The following AVEN variants were observed in gnomAD, a reference collection of about 807,000 sequenced individuals.
AVEN encodes the protein apoptosis and caspase activation inhibitor.
Under a neutral mutation model 38.1 loss-of-function variants are expected in AVEN, and 41 were observed. The observed-to-expected ratio is 1.08, with a 90% CI of 0.84 to 1.40. AVEN has a LOEUF of 1.40. Ranked by LOEUF, AVEN falls within the 40% of genes most tolerant of loss-of-function variation. The pLI is 0.00. For synonymous variants in AVEN, 206 were observed against 171.8 expected (o/e 1.20, Z -1.56); for missense variants, 605 against 438.8 (o/e 1.38, Z -3.38).
Position 33,868,428 on chromosome 15 carries a change from C to T in AVEN, c.613-573G>A, listed in dbSNP as rs183774036. ...CAGGAGTGGTGGAGAGTGTCTAGTC[C>T]CAGCTACTCGGGAGGCTGAGGCAGG... On this transcript the variant is annotated intron_variant, in intron 4 of 5. Coordinates refer to ENST00000306730, the MANE Select transcript of AVEN (RefSeq NM_020371.3). 2.4e-3 allele frequency among the ~76,000 whole-genome samples: 364 copies of T among 151,514 alleles called. 5 individuals carry two copies. Among genetic ancestry groups the T allele is most frequent in the African/African-American group, 8.2e-3 (338 of 41,326 alleles).
chr15:33,920,157 A>G (rs1597232042), intron 2 of AVEN, among the ~76,000 whole-genome samples: 1 of 152,210 alleles, frequency 6.6e-6, no homozygotes, highest in Non-Finnish European at 1.5e-5. Flanking sequence ...TCAACCATGC[A>G]ATGCAGATTT....
chr15:34,021,520 G>A lies in AVEN; in HGVS notation c.267+17260C>T, dbSNP rs150551754. The stretch of plus-strand genomic sequence containing the variant: ...GGCTGGTCTGGAACTCCTGACCTCA[G>A]GTGAGCCACCGCGCCTGGCTTATTT... On this transcript the variant is annotated intron_variant, in intron 1 of 5. Coordinates refer to ENST00000306730, the MANE Select transcript of AVEN (RefSeq NM_020371.3). 6.1e-3 allele frequency among the ~76,000 whole-genome samples: 922 copies of A among 152,178 alleles called. 21 individuals carry two copies. The highest frequency in any genetic ancestry group is 0.044 in the Admixed American group (670 of 15,282).
chr15:33,919,258 TAGC>T (rs1456090561), intron 2 of AVEN, among the ~76,000 whole-genome samples: 1 of 152,192 alleles, frequency 6.6e-6, no homozygotes, highest in Admixed American at 6.5e-5. Flanking sequence ...TAAATATTCT[TAGC>T]AGAAGAAAAA....
chr15:33,938,969 G>C (rs1197879456), intron 2 of AVEN, among the ~76,000 whole-genome samples: 10 of 152,280 alleles, frequency 6.6e-5, no homozygotes, highest in African/African-American at 2.4e-4. Context: ...AGCCTCCAAA[G>C]AAGCTGGGAT....
intron 2 of AVEN, among the ~76,000 whole-genome samples, chr15:33,878,095 C>CA (rs1891324943): frequency 6.6e-6 from 1 of 152,012 alleles, no homozygotes; most frequent in African/African-American, 2.4e-5. Flanking sequence ...AAAAGGAAGA[C>CA]AAAAAACTCA....
intron 2 of AVEN, among the ~76,000 whole-genome samples, chr15:33,893,021 G>C (rs8037644): frequency 0.078 from 11,840 of 151,326 alleles, 1,329 homozygotes; most frequent in African/African-American, 0.25. Context: ...TTGGCTCTCT[G>C]TCTGTTATTG....
intron 5 of AVEN, among the ~76,000 whole-genome samples, chr15:34,048,906 A>T (rs1222836026): frequency 6.6e-6 from 1 of 152,216 alleles, no homozygotes; most frequent in Non-Finnish European, 1.5e-5. Context: ...CAGGTATGAG[A>T]ACAACCGAGG....
At chr15:34,009,163 G>C (rs1297818767) in intron 1 of AVEN, among the ~76,000 whole-genome samples, 1 of 151,934 alleles carries the variant, frequency 6.6e-6, no homozygotes, top group African/African-American at 2.4e-5. Flanking sequence ...ATACAAAAAA[G>C]CTATCTTTCA....
intron 2 of AVEN, among the ~76,000 whole-genome samples, chr15:33,906,958 AG>A (rs34420071): frequency 1.3e-5 from 2 of 151,874 alleles, no homozygotes; most frequent in Non-Finnish European, 2.9e-5. Context: ...GTGGGGGGGA[AG>A]GGGGTGTACA....
chr15:34,020,085 G>T (rs1341813866), intron 1 of AVEN, among the ~76,000 whole-genome samples: 1 of 152,176 alleles, frequency 6.6e-6, no homozygotes, highest in African/African-American at 2.4e-5. Flanking sequence ...GCCAAGGTGG[G>T]TGGATCACAA....
intron 5 of AVEN, among the ~76,000 whole-genome samples, chr15:34,048,025 GTGTGTGTGTGTT>G (rs895030943): frequency 2.6e-5 from 3 of 115,516 alleles, no homozygotes; most frequent in African/African-American, 4.6e-5. Flanking sequence ...TCCAGCTCGT[GTGTGTGTGTGTT>G]TGTGTGTGTG....
chr15:34,062,143 C>T (rs1027127826), intron 5 of AVEN, among the ~76,000 whole-genome samples: 1 of 152,190 alleles, frequency 6.6e-6, no homozygotes, highest in African/African-American at 2.4e-5. Flanking sequence ...GAAGGGCACT[C>T]AGCCATAGGT....
chr15:33,918,216 G>A (rs1025188849), intron 2 of AVEN, among the ~76,000 whole-genome samples: 1 of 152,070 alleles, frequency 6.6e-6, no homozygotes, highest in Non-Finnish European at 1.5e-5. Flanking sequence ...CAAAGCAAGT[G>A]CTATTGGCAG....
chr15:34,029,899 T>C (rs886288670), intron 1 of AVEN, among the ~76,000 whole-genome samples: 1 of 152,190 alleles, frequency 6.6e-6, no homozygotes, highest in African/African-American at 2.4e-5. Flanking sequence ...GTTGAAACAT[T>C]CTAGTCCTCA....
At chr15:33,923,692 C>T (rs894915800) in intron 2 of AVEN, among the ~76,000 whole-genome samples, 2 of 152,046 alleles carry the variant, frequency 1.3e-5, no homozygotes, top group African/African-American at 4.8e-5. Context: ...TGATGTACAG[C>T]ATGGGTTCCC....
rs1037452040 is a variant in AVEN, at chr15:33,973,399, G to A, written c.445+29633C>T. Among the ~76,000 whole-genome samples, 6 of 152,122 alleles carry A rather than the reference G, an allele frequency of 3.9e-5. No individual in the cohort carries two copies. In the East Asian group the frequency reaches 1.2e-3, roughly 29 times the overall value. On this transcript the variant is annotated intron_variant, in intron 2 of 5. Transcript: ENST00000306730. The stretch of plus-strand genomic sequence containing the variant: ...TACAACTCTTAATATTTCATCAACT[G>A]TATACCTTCCCTTCATTTGTGTTGC...
At chr15:34,002,480 G>A (rs1019953822) in intron 2 of AVEN, among the ~76,000 whole-genome samples, 2 of 151,994 alleles carry the variant, frequency 1.3e-5, no homozygotes, top group African/African-American at 2.4e-5. Flanking sequence ...ATCACTCAAG[G>A]TGCAATCAAT....
chr15:33,908,031 A>G (rs1045040475), intron 2 of AVEN, among the ~76,000 whole-genome samples: 14 of 152,224 alleles, frequency 9.2e-5, no homozygotes, highest in African/African-American at 3.1e-4. Context: ...ATCAGATAAA[A>G]GGCTATTTTT....
downstream of AVEN, chr15:33,865,510 TTCAGTTTGTTGGGATGGAAGC>T: frequency 3.0e-6 from 1 of 334,006 alleles, no homozygotes; most frequent in Non-Finnish European, 5.5e-6. Context: ...AGGTAACTAG[TTCAGTTTGTTGGGATGGAAGC>T]ATGAAGGAAA....
Sources: allele counts gnomAD v4.1 joint callset (sites outside exome capture counted in the v4.1 genomes callset), GRCh38; gene constraint gnomAD v4.1.1; transcripts MANE v1.5; gene names NCBI Gene and HGNC (gene_info 2026-07-23, HGNC 2026-07-21).